The following HTT variants were observed in gnomAD, a reference collection of about 807,000 sequenced individuals.
HTT encodes huntingtin.
In HTT, 104 loss-of-function variants were observed where a neutral mutation model predicts 362.3. The observed-to-expected ratio is 0.29, with a 90% CI of 0.24 to 0.34. The LOEUF is 0.34. Ranked by LOEUF, HTT falls within the 10% of genes least tolerant of loss-of-function variation. HTT has a pLI of 1.00. For synonymous variants in HTT, 1,577 were observed against 1,548.7 expected (o/e 1.02, Z -0.43); for missense variants, 3,301 against 3,928.6 (o/e 0.84, Z 4.27).
intron 29 of HTT, among the ~76,000 whole-genome samples, chr4:3,166,980 G>T (rs893903085): frequency 6.6e-6 from 1 of 152,252 alleles, no homozygotes; most frequent in Non-Finnish European, 1.5e-5. Flanking sequence ...GATGAACTAG[G>T]TACCTCAGTT....
intron 27 of HTT, among the ~76,000 whole-genome samples, chr4:3,154,920 C>A (rs1717067507): frequency 6.6e-6 from 1 of 152,008 alleles, no homozygotes. Context: ...GTTTGGAGGA[C>A]CTTTTTTTAC....
intron 33 of HTT, 49 bp downstream of exon 33, chr4:3,175,156 C>T: frequency 6.7e-7 from 1 of 1,497,466 alleles, no homozygotes; most frequent in South Asian, 1.2e-5. Context: ...TAATTTAGTA[C>T]AAATTACCCT....
chr4:3,131,356 G>A lies in HTT; in HGVS notation c.2057G>A (p.Arg686His), dbSNP rs758062108. Residue 686 changes from arginine to histidine, a missense_variant, in exon 15 of 67, where the codon CGC (arginine) becomes CAC (histidine). This residue lies in a region of HTT where 2,316 missense variants were observed against 2,658.5 expected (regional missense o/e 0.87). Transcript: ENST00000355072. ...DDSAPLVHCV[R>H]LLSASFLLTG... ...TCTGCACCTCTTGTCCATTGTGTCC[G>A]CCTTTTATCTGCTTCGTTTTTGCTA... 4.3e-6 allele frequency: 7 copies of A among 1,614,046 alleles called. No individual in the cohort carries two copies. Among genetic ancestry groups the A allele is most frequent in the South Asian group, 1.1e-5 (1 of 91,084 alleles).
intron 35 of HTT, among the ~76,000 whole-genome samples, chr4:3,179,589 G>A (rs893461902): frequency 2.7e-5 from 4 of 148,300 alleles, no homozygotes; most frequent in Middle Eastern, 3.3e-3. Context: ...GGTGCCTCGC[G>A]TGTGTGTGTG....
intron 40 of HTT, among the ~76,000 whole-genome samples, chr4:3,195,200 C>T (rs1472515534): frequency 6.6e-6 from 1 of 151,948 alleles, no homozygotes; most frequent in Non-Finnish European, 1.5e-5. Context: ...TGAACAAGCC[C>T]AGCCCAGAGA....
At chr4:3,091,542 G>C (rs961744393) in intron 2 of HTT, among the ~76,000 whole-genome samples, 1 of 152,208 alleles carries the variant, frequency 6.6e-6, no homozygotes, top group Non-Finnish European at 1.5e-5. Context: ...ACAGCATATA[G>C]ATCAAAGGTT....
Position 3,087,020 on chromosome 4 carries a change from C to T in HTT, c.345C>T (p.Val115=), listed in dbSNP as rs762235107. ...TICENIVAQS[V]RNSPEFQKLL... ...GTGAAAACATAGTGGCACAGTCTGTCAGGTAATTGCACTTTGAACTGTCTA... is the reference window on the plus strand; with the variant it reads ...GTGAAAACATAGTGGCACAGTCTGTTAGGTAATTGCACTTTGAACTGTCTA... The change falls in exon 2 of 67, where the codon GTC becomes GTT. Residue 115 remains valine, a splice_region_variant and synonymous_variant. Coordinates refer to ENST00000355072, the MANE Select transcript of HTT (RefSeq NM_001388492.1). The T allele has an allele frequency of 6.4e-7, 1 of 1,558,806 alleles. No homozygotes were observed. Among genetic ancestry groups the T allele is most frequent in the Non-Finnish European group, 8.8e-7 (1 of 1,130,572 alleles).
chr4:3,122,710 T>C (rs980986897), intron 9 of HTT, among the ~76,000 whole-genome samples, 179 bp from the exon 10 acceptor site: 9 of 152,250 alleles, frequency 5.9e-5, no homozygotes, highest in Admixed American at 2.0e-4. Context: ...TATATTTGAA[T>C]GTTAATGTAA....
In HTT at chr4:3,087,032, C is replaced by G; in HGVS notation, c.347+10C>G. On this transcript the variant is annotated intron_variant, in intron 2 of 66. Coordinates refer to ENST00000355072, the MANE Select transcript of HTT (RefSeq NM_001388492.1). ...TGGCACAGTCTGTCAGGTAATTGCA[C>G]TTTGAACTGTCTAGAGAAAATAAGA... is the stretch of plus-strand genomic sequence containing the variant. 2 of 1,483,034 alleles carry G rather than the reference C, an allele frequency of 1.3e-6. No homozygotes were observed. The highest frequency in any genetic ancestry group is 1.9e-6 in the Non-Finnish European group (2 of 1,062,580). The allele number at this position is 1,483,034 out of a possible 1,614,324, so 91.9% of individuals were successfully genotyped here. A position where few individuals can be genotyped will look rare whatever the true frequency, so the allele number is the denominator to read the frequency against.
At chr4:3,101,586 G>A (rs1714160379) in intron 3 of HTT, among the ~76,000 whole-genome samples, 1 of 152,246 alleles carries the variant, frequency 6.6e-6, no homozygotes, top group African/African-American at 2.4e-5. Flanking sequence ...CCTAGACTTT[G>A]TCTTCTCATG....
intron 1 of HTT, among the ~76,000 whole-genome samples, chr4:3,079,171 C>T (rs1483857808): frequency 6.6e-6 from 1 of 151,622 alleles, no homozygotes; most frequent in African/African-American, 2.4e-5. Context: ...GCTAGGATTA[C>T]AGGCATGAGC....
In HTT at chr4:3,125,579, T is replaced by C. The variant is rs1466250878; in HGVS notation, c.1352T>C (p.Leu451Ser). 1 of 1,613,714 alleles carries C rather than the reference T, an allele frequency of 6.2e-7. No individual in the cohort carries two copies. Residue 451 changes from leucine to serine, a missense_variant, in exon 11 of 67, where the codon TTG becomes TCG. Physicochemically the swap from Leu to Ser is moderately radical, Grantham distance 145. Coordinates refer to ENST00000355072, the MANE Select transcript of HTT (RefSeq NM_001388492.1). ...GKVLLGEEEALEDDSESRSDV... is the reference protein window; with the variant it reads ...GKVLLGEEEASEDDSESRSDV... ...GTGCTCTTAGGAGAAGAAGAAGCCT[T>C]GGAGGATGACTCTGAATCGAGATCG...
At chr4:3,179,435 A>G (rs988647053) in intron 35 of HTT, among the ~76,000 whole-genome samples, 3 of 152,210 alleles carry the variant, frequency 2.0e-5, no homozygotes, top group African/African-American at 7.2e-5. Context: ...GAGTATACCC[A>G]TGCGTGCATG....
At position 3,087,041 on chromosome 4, in the gene HTT, G is replaced by A; in HGVS notation, c.347+19G>A. 5 of 1,369,466 alleles carry A rather than the reference G, an allele frequency of 3.7e-6. No homozygotes were observed. Among genetic ancestry groups the A allele is most frequent in the Non-Finnish European group, 5.1e-6 (5 of 971,860 alleles). The allele number at this position is 1,369,466 out of a possible 1,614,324, so 84.8% of individuals were successfully genotyped here. ...CTGTCAGGTAATTGCACTTTGAACT[G>A]TCTAGAGAAAATAAGAACTTTGTAT... On this transcript the variant is annotated intron_variant, in intron 2 of 66. Coordinates refer to ENST00000355072, the MANE Select transcript of HTT (RefSeq NM_001388492.1).
chr4:3,127,736 G>T, intron 12 of HTT, 132 bp downstream of exon 12: 1 of 664,634 alleles, frequency 1.5e-6, no homozygotes, highest in South Asian at 2.0e-5. Context: ...GACTGAGGCA[G>T]GCGGATCACT....
chr4:3,229,913 C>G lies in HTT; in HGVS notation c.8136C>G (p.Thr2712=), dbSNP rs771522225. 1.2e-6 allele frequency: 2 copies of G among 1,614,174 alleles called. No individual in the cohort carries two copies. The highest frequency in any genetic ancestry group is 2.2e-5 in the South Asian group (2 of 91,088). The change falls in exon 60 of 67, where the codon ACC becomes ACG. Residue 2712 remains threonine (T), a synonymous_variant. Coordinates refer to ENST00000355072, the MANE Select transcript of HTT (RefSeq NM_001388492.1). ...TTCTAGTGGTCTCAGACTTGTTCAC[C>G]GAGCGCAACCAGTTTGAGCTGATGT... The part of the protein sequence containing the change: ...RSLLVVSDLF[T]ERNQFELMYV...
chr4:3,172,858 A>C, intron 30 of HTT, 50 bp from the exon 31 acceptor site: 1 of 1,247,990 alleles, frequency 8.0e-7, no homozygotes, highest in Non-Finnish European at 1.2e-6. Context: ...GGAGATTCTT[A>C]AAAGTGTTGT....
chr4:3,162,919 C>G (rs892417119), intron 29 of HTT, among the ~76,000 whole-genome samples: 4 of 152,156 alleles, frequency 2.6e-5, no homozygotes, highest in African/African-American at 9.7e-5. Flanking sequence ...CCCTTTATTG[C>G]TTTCTCTTGC....
intron 34 of HTT, 21 bp downstream of exon 34, chr4:3,177,408 T>C: frequency 6.6e-7 from 1 of 1,516,144 alleles, no homozygotes; most frequent in Non-Finnish European, 9.0e-7. Flanking sequence ...TTTATTATTT[T>C]AGATTTTTTT....
Sources: allele counts gnomAD v4.1 joint callset (sites outside exome capture counted in the v4.1 genomes callset), GRCh38; gene constraint gnomAD v4.1.1; regional missense constraint gnomAD v4.1.1; transcripts MANE v1.5; gene names NCBI Gene and HGNC (gene_info 2026-07-23, HGNC 2026-07-21).